The following ZNF423 variants were observed in gnomAD, a reference collection of about 807,000 sequenced individuals.
ZNF423 encodes zinc finger protein 423.
In ZNF423, 12 loss-of-function variants were observed where a neutral mutation model predicts 95.8. The observed-to-expected ratio is 0.13, with a 90% CI of 0.08 to 0.20. The LOEUF is 0.20. Among genes scored for constraint, ZNF423 ranks in the 10% least tolerant of loss-of-function variants. The pLI, the probability that ZNF423 is intolerant of heterozygous loss-of-function variation, is 1.00. For missense variants in ZNF423, 1,316 were observed against 1,737.1 expected (o/e 0.76, Z 4.31); for synonymous variants, 749 against 711.9 (o/e 1.05, Z -0.83).
At chr16:49,833,163 T>A (rs1177877077) in intron 1 of ZNF423, among the ~76,000 whole-genome samples, 1 of 152,162 alleles carries the variant, frequency 6.6e-6, no homozygotes, top group Non-Finnish European at 1.5e-5. Context: ...TGGGGAGGTT[T>A]ATCCGCTTTC....
intron 7 of ZNF423, among the ~76,000 whole-genome samples, chr16:49,499,336 T>C (rs2151656285): frequency 6.6e-6 from 1 of 152,330 alleles, no homozygotes; most frequent in Admixed American, 6.5e-5. Context: ...GAGATGAGTG[T>C]TGCAACGCTC....
At chr16:49,820,354 C>T (rs2034922907) in intron 1 of ZNF423, among the ~76,000 whole-genome samples, 1 of 152,150 alleles carries the variant, frequency 6.6e-6, no homozygotes, top group Non-Finnish European at 1.5e-5. Context: ...TCCTGCTTAA[C>T]CAAGAGGAAG....
intron 3 of ZNF423, among the ~76,000 whole-genome samples, chr16:49,662,869 C>A (rs891181631): frequency 3.3e-5 from 5 of 152,244 alleles, no homozygotes; most frequent in African/African-American, 1.2e-4. Context: ...GAGATGCCCA[C>A]GTGGGGCTCA....
chr16:49,739,091 T>C (rs558068190), intron 2 of ZNF423, among the ~76,000 whole-genome samples: 3 of 152,076 alleles, frequency 2.0e-5, no homozygotes, highest in African/African-American at 7.2e-5. Flanking sequence ...CCTGTCTGGG[T>C]TCAAATCCAC....
At chr16:49,677,292 A>AGAAGG in intron 3 of ZNF423, among the ~76,000 whole-genome samples, 1 of 81,124 alleles carries the variant, frequency 1.2e-5, no homozygotes, top group Non-Finnish European at 2.5e-5. Context: ...AGAAGAGAAG[A>AGAAGG]GAAGAGAAGA....
At chr16:49,686,385 AG>A (rs2031565034) in intron 3 of ZNF423, among the ~76,000 whole-genome samples, 1 of 152,160 alleles carries the variant, frequency 6.6e-6, no homozygotes, top group African/African-American at 2.4e-5. Context: ...CTGGGGCAGG[AG>A]GGGACCACAC....
At chr16:49,657,865 G>A (rs1375574706) in intron 3 of ZNF423, among the ~76,000 whole-genome samples, 4 of 152,180 alleles carry the variant, frequency 2.6e-5, no homozygotes, top group Non-Finnish European at 4.4e-5. Context: ...TGGAAGCCAT[G>A]TCTTTCAGCC....
In ZNF423 at chr16:49,769,753, C is replaced by A. The variant is rs112709902; in HGVS notation, c.100+19734G>T. On this transcript the variant is annotated intron_variant, in intron 2 of 7. Coordinates refer to ENST00000563137, the MANE Select transcript of ZNF423 (RefSeq NM_001379286.1). ...TCATCTCCCTGACCTCACGCTCCCCCCACCACCTCATTTCACACCCCCGTC... is the reference window on the plus strand; with the variant it reads ...TCATCTCCCTGACCTCACGCTCCCCACACCACCTCATTTCACACCCCCGTC... 7.5e-3 allele frequency among the ~76,000 whole-genome samples: 1,118 copies of A among 149,156 alleles called. 19 individuals carry two copies. The highest frequency in any genetic ancestry group is 0.026 in the African/African-American group (1,066 of 40,710).
intron 3 of ZNF423, among the ~76,000 whole-genome samples, chr16:49,665,682 C>T (rs906092491): frequency 6.6e-6 from 1 of 152,230 alleles, no homozygotes; most frequent in Non-Finnish European, 1.5e-5. Context: ...GCCCCCCACC[C>T]CAGCTCACAG....
At chr16:49,702,612 A>T (rs1242552874) in intron 3 of ZNF423, among the ~76,000 whole-genome samples, 2 of 152,176 alleles carry the variant, frequency 1.3e-5, no homozygotes, top group East Asian at 1.9e-4. Flanking sequence ...GGATGGCGGG[A>T]GGGGGTCAGA....
intron 3 of ZNF423, chr16:49,664,256 G>T (rs2030413421): frequency 1.0e-6 from 1 of 985,440 alleles, no homozygotes; most frequent in African/African-American, 1.7e-5. Flanking sequence ...TCCCCACCCG[G>T]CCGCCTGGGC....
intron 3 of ZNF423, among the ~76,000 whole-genome samples, chr16:49,682,933 G>A (rs2031424916): frequency 6.6e-6 from 1 of 152,196 alleles, no homozygotes; most frequent in African/African-American, 2.4e-5. Flanking sequence ...AACCAGCGCA[G>A]AGCCGCAACC....
intron 5 of ZNF423, among the ~76,000 whole-genome samples, chr16:49,572,004 G>A (rs1020904937): frequency 7.2e-5 from 11 of 152,162 alleles, no homozygotes; most frequent in South Asian, 2.1e-4. Context: ...GCCAAGCACC[G>A]TGTGTACTAA....
intron 3 of ZNF423, chr16:49,711,804 T>G (rs1303682928): frequency 6.6e-6 from 1 of 152,208 alleles, no homozygotes; most frequent in Non-Finnish European, 1.5e-5. Flanking sequence ...TCTTTGAAAT[T>G]TTTACAAACA....
intron 5 of ZNF423, among the ~76,000 whole-genome samples, chr16:49,598,710 A>G (rs1043359291): frequency 1.3e-5 from 2 of 152,382 alleles, no homozygotes; most frequent in African/African-American, 4.8e-5. Context: ...TGAAAGTCCA[A>G]GGTAAGAGCT....
chr16:49,499,154 C>A (rs533936978), intron 7 of ZNF423, among the ~76,000 whole-genome samples: 1 of 152,330 alleles, frequency 6.6e-6, no homozygotes, highest in African/African-American at 2.4e-5. Flanking sequence ...GTGTGACACC[C>A]AACCCTGGCC....
chr16:49,624,292 T>G (rs921654586), intron 5 of ZNF423, among the ~76,000 whole-genome samples: 3 of 152,184 alleles, frequency 2.0e-5, no homozygotes, highest in African/African-American at 7.2e-5. Flanking sequence ...GACTCATGCC[T>G]GTAATCCCAG....
intron 5 of ZNF423, among the ~76,000 whole-genome samples, chr16:49,586,274 T>C (rs1258007335): frequency 1.3e-5 from 2 of 152,204 alleles, no homozygotes; most frequent in Non-Finnish European, 2.9e-5. Context: ...CCTTTTTTTT[T>C]TTCCTCCTGT....
chr16:49,526,270 T>C (rs1243823196), intron 5 of ZNF423, among the ~76,000 whole-genome samples: 1 of 152,208 alleles, frequency 6.6e-6, no homozygotes, highest in Non-Finnish European at 1.5e-5. Context: ...AAACGCTCTT[T>C]TTATTTGCTT....
Sources: allele counts gnomAD v4.1 joint callset (sites outside exome capture counted in the v4.1 genomes callset), GRCh38; gene constraint gnomAD v4.1.1; transcripts MANE v1.5; gene names NCBI Gene and HGNC (gene_info 2026-07-23, HGNC 2026-07-21).